Variants in VWA5B1 observed in about 807,000 individuals in gnomAD.
The protein encoded by VWA5B1 is von Willebrand factor A domain-containing protein 5B1.
A neutral mutation model predicts 118.2 loss-of-function variants in VWA5B1; 115 were observed. The ratio of observed to expected loss-of-function variants is 0.97; its 90% CI spans 0.84 to 1.14. The LOEUF is 1.14. Ranked by LOEUF, VWA5B1 falls within the 50% of genes most tolerant of loss-of-function variation. VWA5B1 has a pLI of 0.00. For synonymous variants in VWA5B1, 682 were observed against 658.4 expected (o/e 1.04, Z -0.55); for missense variants, 1,596 against 1,603.8 (o/e 1.00, Z 0.08).
chr1:20,326,596 G>T (rs1570142552), intron 8 of VWA5B1, among the ~76,000 whole-genome samples: 1 of 152,098 alleles, frequency 6.6e-6, no homozygotes, highest in Admixed American at 6.5e-5. Flanking sequence ...CTCCTGAGTA[G>T]CTGGGATTAC....
chr1:20,337,870 G>T, intron 14 of VWA5B1, 34 bp downstream of exon 14: 2 of 1,551,112 alleles, frequency 1.3e-6, no homozygotes, highest in Non-Finnish European at 8.7e-7. Context: ...GAGGAGCTGG[G>T]GAAGGCGACA....
At chr1:20,351,008 A>G in intron 20 of VWA5B1, 82 bp downstream of exon 20, 1 of 1,380,434 alleles carries the variant, frequency 7.2e-7, no homozygotes, top group South Asian at 1.2e-5. Flanking sequence ...CTGACTTGGA[A>G]GGCCAAAGAC....
rs1435959605 is a variant in VWA5B1 at position 20,358,221 on chromosome 1, G to T, written c.*3958G>T. On this transcript the variant is annotated 3_prime_UTR_variant, in exon 22 of 22. Coordinates refer to ENST00000289815, the MANE Select transcript of VWA5B1 (RefSeq NM_001039500.3). ...GCTGTGGCTGATGAATAGACTAGCTGCTTCCAAGACTCGATTCTGGTGGGC... is the reference window on the plus strand; with the variant it reads ...GCTGTGGCTGATGAATAGACTAGCTTCTTCCAAGACTCGATTCTGGTGGGC... 1.3e-5 allele frequency among the ~76,000 whole-genome samples: 2 copies of T among 152,194 alleles called. No individual in the cohort carries two copies. The highest frequency in any genetic ancestry group is 4.8e-5 in the African/African-American group (2 of 41,434).
chr1:20,337,551 G>C, intron 13 of VWA5B1, 95 bp from the exon 14 acceptor site: 1 of 1,358,738 alleles, frequency 7.4e-7, no homozygotes. Context: ...AAGAGGTGGA[G>C]AACGTGAGAC....
chr1:20,310,531 C>T, intron 1 of VWA5B1, 45 bp from the exon 2 acceptor site: 1 of 1,437,074 alleles, frequency 7.0e-7, no homozygotes, highest in South Asian at 1.5e-5. Flanking sequence ...TTGAGGGGAC[C>T]TGGGGGAGCC....
At chr1:20,352,215 T>A in intron 21 of VWA5B1, 43 bp downstream of exon 21, 2 of 1,459,030 alleles carry the variant, frequency 1.4e-6, no homozygotes, top group Non-Finnish European at 1.9e-6. Flanking sequence ...TCCGCTCCAC[T>A]CAGCAGCAGG....
At chr1:20,337,222 G>A (rs1309841570) in intron 13 of VWA5B1, among the ~76,000 whole-genome samples, 1 of 152,116 alleles carries the variant, frequency 6.6e-6, no homozygotes, top group African/African-American at 2.4e-5. Context: ...CCACCTTCTG[G>A]ATTCAAGCAA....
chr1:20,295,594 C>T (rs1006001154), intron 1 of VWA5B1, among the ~76,000 whole-genome samples: 2 of 152,274 alleles, frequency 1.3e-5, no homozygotes, highest in African/African-American at 4.8e-5. Context: ...ATTCCCATGA[C>T]CACACTGAGG....
chr1:20,341,254 C>T lies in VWA5B1; in HGVS notation c.2134-1178C>T, dbSNP rs182177188. 1.2e-3 allele frequency among the ~76,000 whole-genome samples: 179 copies of T among 152,350 alleles called. 1 individual carries two copies. Among genetic ancestry groups the T allele is most frequent in the Non-Finnish European group, 2.0e-3 (138 of 68,036 alleles). The stretch of plus-strand genomic sequence containing the variant: ...CAGATTTTTACATTTACAAACAATA[C>T]TGCAACAAGTATACAGTACTTGCAC... On this transcript the variant is annotated intron_variant, in intron 14 of 21. Coordinates refer to ENST00000289815, the MANE Select transcript of VWA5B1 (RefSeq NM_001039500.3).
intron 18 of VWA5B1, 63 bp from the exon 19 acceptor site, chr1:20,350,093 T>G (rs1158049209): frequency 6.7e-7 from 1 of 1,497,212 alleles, no homozygotes; most frequent in African/African-American, 1.4e-5. Flanking sequence ...ATTGCTCTCC[T>G]GAGGGGATGG....
intron 1 of VWA5B1, among the ~76,000 whole-genome samples, chr1:20,309,345 C>A (rs2088770188): frequency 6.6e-6 from 1 of 152,238 alleles, no homozygotes; most frequent in Non-Finnish European, 1.5e-5. Context: ...AAAAACTCAG[C>A]TCCGTGGGGG....
rs920145583 is a variant in VWA5B1 at position 20,317,553 on chromosome 1, C to T, written c.587C>T (p.Ala196Val). 6.4e-7 allele frequency: 1 copy of T among 1,551,572 alleles called. No homozygotes were observed. The highest frequency in any genetic ancestry group is 8.7e-7 in the Non-Finnish European group (1 of 1,146,972). The change falls in exon 5 of 22, where the codon GCC (alanine) becomes GTC (valine). Residue 196 changes from alanine (A) to valine (V), a missense_variant. Coordinates refer to ENST00000289815, the MANE Select transcript of VWA5B1 (RefSeq NM_001039500.3). ...AGCAAAGACAGGCACTGCTTCGGTG[C>T]CTGGGCCCCGGGCTCCTGGAATAAG... ...AQGKDRHCFG[A>V]WAPGSWNKLC...
At position 20,337,853 on chromosome 1, in the gene VWA5B1, G is replaced by A; in HGVS notation, c.2133+17G>A. 6.4e-7 allele frequency: 1 copy of A among 1,551,398 alleles called. No individual in the cohort carries two copies. The highest frequency in any genetic ancestry group is 8.7e-7 in the Non-Finnish European group (1 of 1,146,720). On this transcript the variant is annotated intron_variant, in intron 14 of 21. Transcript: ENST00000289815. ...GATTTGCAGGTACCCAAGCAGGACA[G>A]ATTAGGGAGGAGCTGGGGAAGGCGA... is the stretch of plus-strand genomic sequence containing the variant.
chr1:20,304,162 A>C (rs1289117633), intron 1 of VWA5B1, among the ~76,000 whole-genome samples: 1 of 152,190 alleles, frequency 6.6e-6, no homozygotes, highest in Non-Finnish European at 1.5e-5. Context: ...GGGAAGTTAA[A>C]GCCATTGCAG....
chr1:20,330,264 G>T lies in VWA5B1; in HGVS notation c.1339G>T (p.Val447Phe). Reference sequence around the variant, plus strand: ...CAACATCCTTTCCCCTCTCAAGTGGGTCATCAGGCAGCCAGTGCACCGAGG... The same window carrying T: ...CAACATCCTTTCCCCTCTCAAGTGGTTCATCAGGCAGCCAGTGCACCGAGG... ...GTNILSPLKW[V>F]IRQPVHRGHP... is the part of the protein sequence containing the mutation. The change falls in exon 10 of 22, where the codon GTC becomes TTC. Residue 447 changes from valine to phenylalanine, a missense_variant. Coordinates refer to ENST00000289815, the MANE Select transcript of VWA5B1 (RefSeq NM_001039500.3). 6.4e-7 allele frequency: 1 copy of T among 1,551,760 alleles called. No homozygotes were observed. The highest frequency in any genetic ancestry group is 8.7e-7 in the Non-Finnish European group (1 of 1,147,030).
At chr1:20,299,589 A>T (rs1442671320) in intron 1 of VWA5B1, among the ~76,000 whole-genome samples, 1 of 152,134 alleles carries the variant, frequency 6.6e-6, no homozygotes, top group Non-Finnish European at 1.5e-5. Flanking sequence ...GTTTTAGTAA[A>T]GGCGGGGTTT....
chr1:20,336,921 A>G (rs1015926135), intron 13 of VWA5B1, among the ~76,000 whole-genome samples: 1 of 152,102 alleles, frequency 6.6e-6, no homozygotes, highest in African/African-American at 2.4e-5. Context: ...AATTTAACAA[A>G]CTATGGGAAT....
rs1241989334 is a variant in VWA5B1 at position 20,314,525 on chromosome 1, G to C, written c.496G>C (p.Val166Leu). 4 of 1,551,602 alleles carry C rather than the reference G, an allele frequency of 2.6e-6. No individual in the cohort carries two copies. Among genetic ancestry groups the C allele is most frequent in the South Asian group, 2.4e-5 (2 of 84,062 alleles). ...GGCTGTGAGGGTCCTTCTGCCTGCT[G>C]TCTGTGCCCCAACCGTGCCCCAGTT... ...SGAVRVLLPA[V>L]CAPTVPQFCT... The change falls in exon 4 of 22, where the codon GTC (valine) becomes CTC (leucine). Residue 166 changes from valine to leucine, a missense_variant. Physicochemically the swap from Val to Leu is conservative, Grantham distance 32 (BLOSUM62 1). Transcript: ENST00000289815.
chr1:20,332,968 T>C lies in VWA5B1; in HGVS notation c.1758+17T>C, dbSNP rs1406528870. 3.2e-6 allele frequency: 5 copies of C among 1,550,994 alleles called. No homozygotes were observed. The highest frequency in any genetic ancestry group is 4.4e-6 in the Non-Finnish European group (5 of 1,146,476). On this transcript the variant is annotated intron_variant, in intron 12 of 21. Transcript: ENST00000289815. Reference sequence around the variant, plus strand: ...CCCAGATCTGTAAGTATCCTAGAAATTCCACGGGTCCGTGTGGGCCCAGAA... The same window carrying C: ...CCCAGATCTGTAAGTATCCTAGAAACTCCACGGGTCCGTGTGGGCCCAGAA...
Sources: gnomAD v4.1 joint callset for allele counts (sites outside exome capture counted in the v4.1 genomes callset) on GRCh38, gnomAD v4.1.1 for gene constraint, MANE v1.5 for transcripts, NCBI Gene and HGNC (gene_info 2026-07-23, HGNC 2026-07-21) for gene names.